The following CFAP54 variants were observed in gnomAD, a reference collection of about 807,000 sequenced individuals.
The protein encoded by CFAP54 is cilia- and flagella-associated protein 54.
CFAP54 carries 290 observed loss-of-function variants against 370.4 expected under a neutral mutation model. The ratio of observed to expected loss-of-function variants is 0.78; its 90% confidence interval spans 0.71 to 0.86. The LOEUF (loss-of-function observed/expected upper bound fraction) is 0.86, where lower values mean the gene tolerates loss of function less well. CFAP54 is among the 40% of genes least tolerant of loss of function. The pLI is 0.00. For synonymous variants in CFAP54, 1,206 were observed against 1,236.5 expected (o/e 0.98, Z 0.52); for missense variants, 3,399 against 3,528.7 (o/e 0.96, Z 0.93).
chr12:96,678,105 A>G (rs1957231445), intron 39 of CFAP54, among the ~76,000 whole-genome samples: 1 of 152,040 alleles, frequency 6.6e-6, no homozygotes. Flanking sequence ...ATCTCTTCTT[A>G]AGGGCTTCAA....
intron 55 of CFAP54, among the ~76,000 whole-genome samples, chr12:96,749,365 A>G (rs1359776691): frequency 6.6e-6 from 1 of 152,236 alleles, no homozygotes; most frequent in Non-Finnish European, 1.5e-5. Context: ...ATCACCTCCC[A>G]AAGTCTCTGC....
chr12:96,720,376 T>C, intron 49 of CFAP54, 29 bp from the exon 50 acceptor site: 1 of 1,370,008 alleles, frequency 7.3e-7, no homozygotes, highest in Non-Finnish European at 9.5e-7. Flanking sequence ...ATTTCTGAAC[T>C]CACGTGATGT....
chr12:96,822,422 T>C (rs897476602), intron 65 of CFAP54, among the ~76,000 whole-genome samples: 3 of 152,186 alleles, frequency 2.0e-5, no homozygotes, highest in African/African-American at 7.2e-5. Context: ...ATCCCAACTA[T>C]TAAAGTACTG....
intron 30 of CFAP54, among the ~76,000 whole-genome samples, chr12:96,629,472 ATT>A (rs11314576): frequency 2.1e-4 from 30 of 142,368 alleles, no homozygotes; most frequent in East Asian, 1.0e-3. Context: ...CGCCCAACTA[ATT>A]TTTTTTTTTT....
At chr12:96,634,881 C>T (rs2136480211) in intron 32 of CFAP54, among the ~76,000 whole-genome samples, 1 of 152,304 alleles carries the variant, frequency 6.6e-6, no homozygotes. Flanking sequence ...TGTAAAAAAT[C>T]AGCTGGACAT....
At chr12:96,639,720 G>T (rs1379798455) in intron 32 of CFAP54, among the ~76,000 whole-genome samples, 1 of 152,126 alleles carries the variant, frequency 6.6e-6, no homozygotes, top group Non-Finnish European at 1.5e-5. Flanking sequence ...ACATCAAAAA[G>T]CTTATCCACC....
intron 66 of CFAP54, among the ~76,000 whole-genome samples, chr12:96,831,100 C>T: frequency 6.6e-6 from 1 of 152,072 alleles, no homozygotes; most frequent in East Asian, 1.9e-4. Context: ...GGTTGGCATT[C>T]GTGTTTCTCC....
At position 96,693,744 on chromosome 12, in the gene CFAP54, A is replaced by G; in HGVS notation, c.6287A>G (p.Tyr2096Cys). The G allele has an allele frequency of 4.4e-6, 7 of 1,596,546 alleles. No homozygotes were observed. The highest frequency in any genetic ancestry group is 6.0e-6 in the Non-Finnish European group (7 of 1,166,012). ...NLIVLPLLAL[Y>C]QYFVSGICQD... ...TAGGTTCTGCCTCTCCTTGCATTGT[A>G]TCAATATTTTGTTTCTGGAATTTGT... Residue 2096 changes from tyrosine (Y) to cysteine (C), a missense_variant, in exon 45 of 68, where the codon TAT becomes TGT. Physicochemically the swap from Tyr to Cys is radical, Grantham distance 194. Transcript: ENST00000524981.
At chr12:96,762,140 G>A (rs536208217) in intron 58 of CFAP54, among the ~76,000 whole-genome samples, 2 of 152,134 alleles carry the variant, frequency 1.3e-5, no homozygotes, top group African/African-American at 2.4e-5. Flanking sequence ...TCTTTTTAGT[G>A]TATGAGTCTT....
intron 60 of CFAP54, among the ~76,000 whole-genome samples, chr12:96,778,345 G>C (rs1278111837): frequency 6.6e-6 from 1 of 152,102 alleles, no homozygotes; most frequent in Non-Finnish European, 1.5e-5. Flanking sequence ...AGTTTGAAAG[G>C]CTGCAACAAA....
At chr12:96,628,397 G>A (rs1956568973) in intron 30 of CFAP54, among the ~76,000 whole-genome samples, 1 of 152,174 alleles carries the variant, frequency 6.6e-6, no homozygotes, top group Non-Finnish European at 1.5e-5. Context: ...GGAGGAGAAT[G>A]CTGAGATGGT....
chr12:96,568,952 T>C (rs1955887314), intron 19 of CFAP54, among the ~76,000 whole-genome samples: 1 of 152,112 alleles, frequency 6.6e-6, no homozygotes, highest in Non-Finnish European at 1.5e-5. Context: ...TTTTCTTGTC[T>C]TGGTTATTTG....
At chr12:96,574,956 T>C (rs1955960775) in intron 19 of CFAP54, among the ~76,000 whole-genome samples, 1 of 152,134 alleles carries the variant, frequency 6.6e-6, no homozygotes, top group Admixed American at 6.5e-5. Context: ...ATCAGTTCTT[T>C]GAGATTTAAA....
At chr12:96,551,173 G>A (rs1242921187) in intron 15 of CFAP54, among the ~76,000 whole-genome samples, 5 of 135,162 alleles carry the variant, frequency 3.7e-5, no homozygotes, top group Non-Finnish European at 6.2e-5. Context: ...TGGGAGGATC[G>A]CCTGAGCCCG....
intron 60 of CFAP54, among the ~76,000 whole-genome samples, chr12:96,770,327 A>G (rs552812173): frequency 6.6e-6 from 1 of 151,872 alleles, no homozygotes; most frequent in African/African-American, 2.4e-5. Context: ...GAGTCCAGAA[A>G]CTCCACTCAG....
At chr12:96,714,314 A>G (rs1405269703) in intron 48 of CFAP54, among the ~76,000 whole-genome samples, 1 of 152,212 alleles carries the variant, frequency 6.6e-6, no homozygotes, top group African/African-American at 2.4e-5. Flanking sequence ...CCTATTAAGC[A>G]CCTGAGAGGA....
chr12:96,728,593 A>G (rs1322187636), intron 50 of CFAP54, among the ~76,000 whole-genome samples: 1 of 152,104 alleles, frequency 6.6e-6, no homozygotes, highest in East Asian at 1.9e-4. Flanking sequence ...TTTTTTTCAA[A>G]GTTTTCAACT....
intron 58 of CFAP54, among the ~76,000 whole-genome samples, chr12:96,761,946 A>G (rs893496514): frequency 6.6e-6 from 1 of 152,066 alleles, no homozygotes; most frequent in African/African-American, 2.4e-5. Flanking sequence ...TTCCTTTTCA[A>G]AACTGTTTTG....
At chr12:96,818,225 CT>C (rs981233183) in intron 65 of CFAP54, among the ~76,000 whole-genome samples, 11 of 152,286 alleles carry the variant, frequency 7.2e-5, no homozygotes, top group African/African-American at 2.4e-4. Flanking sequence ...TCTTTTTTCA[CT>C]CTAAATCTAT....
Sources: allele counts gnomAD v4.1 joint callset (sites outside exome capture counted in the v4.1 genomes callset), GRCh38; gene constraint gnomAD v4.1.1; transcripts MANE v1.5; gene names NCBI Gene and HGNC (gene_info 2026-07-23, HGNC 2026-07-21).